Variants in PDE7B observed in about 807,000 individuals in gnomAD.
PDE7B encodes 3',5'-cyclic-AMP phosphodiesterase 7B.
Under a neutral mutation model 56.2 loss-of-function variants are expected in PDE7B, and 29 were observed. That is an observed-to-expected ratio of 0.52 (90% CI 0.38 to 0.70). The LOEUF (loss-of-function observed/expected upper bound fraction) is 0.70, where lower values mean the gene tolerates loss of function less well. Among genes scored for constraint, PDE7B ranks in the 30% least tolerant of loss-of-function variants. The pLI is 0.00. For synonymous variants in PDE7B, 197 were observed against 196.9 expected (o/e 1.00, Z 0.00); for missense variants, 490 against 565.0 (o/e 0.87, Z 1.35).
chr6:135,913,081 T>C (rs1191697710), intron 1 of PDE7B, among the ~76,000 whole-genome samples: 1 of 152,216 alleles, frequency 6.6e-6, no homozygotes, highest in Non-Finnish European at 1.5e-5. Flanking sequence ...CAAACATCTA[T>C]TGAATACTTT....
intron 3 of PDE7B, among the ~76,000 whole-genome samples, chr6:136,145,620 G>A (rs1445411579): frequency 6.6e-6 from 1 of 152,056 alleles, no homozygotes; most frequent in Non-Finnish European, 1.5e-5. Flanking sequence ...AGTCTTCATG[G>A]TACCTGACCC....
intron 1 of PDE7B, among the ~76,000 whole-genome samples, chr6:135,857,024 TCCTCCCTCCCTCCCTC>T (rs57985628): frequency 1.6e-5 from 2 of 127,500 alleles, no homozygotes; most frequent in Non-Finnish European, 3.1e-5. Context: ...TTACTCCTTT[TCCTCCCTCCCTCCCTC>T]CCTCCCTCCC....
intron 1 of PDE7B, among the ~76,000 whole-genome samples, chr6:135,937,145 T>C (rs1774434195): frequency 6.6e-6 from 1 of 152,246 alleles, no homozygotes. Flanking sequence ...CTAAGGGTCC[T>C]GTTCAGTGTG....
At chr6:135,966,575 T>A (rs1775000941) in intron 2 of PDE7B, among the ~76,000 whole-genome samples, 1 of 152,054 alleles carries the variant, frequency 6.6e-6, no homozygotes, top group South Asian at 2.1e-4. Context: ...TCCCTAGGGT[T>A]GCGATGTGGC....
intron 3 of PDE7B, among the ~76,000 whole-genome samples, chr6:136,121,792 T>C (rs1164576365): frequency 2.6e-5 from 4 of 152,054 alleles, no homozygotes; most frequent in Non-Finnish European, 4.4e-5. Flanking sequence ...TTAAAGTGCA[T>C]TCAAAAAAAG....
Position 135,948,158 on chromosome 6 carries a change from T to G in PDE7B, c.82+634T>G, listed in dbSNP as rs1216905953. 3.9e-5 allele frequency among the ~76,000 whole-genome samples: 6 copies of G among 152,100 alleles called. 1 individual carries two copies. In the East Asian group the frequency reaches 1.2e-3, roughly 29 times the overall value. ...ATTATAGAGAATATAAGTGATGCAC[T>G]TAACCTCAAAGTGAGAAATGGTCCA... On this transcript the variant is annotated intron_variant, in intron 2 of 12. Transcript: ENST00000308191.
intron 12 of PDE7B, among the ~76,000 whole-genome samples, chr6:136,191,389 G>A (rs973501159): frequency 3.3e-5 from 5 of 152,200 alleles, no homozygotes; most frequent in African/African-American, 1.2e-4. Flanking sequence ...AAGTAAGGCC[G>A]GGCACAGTGG....
intron 2 of PDE7B, among the ~76,000 whole-genome samples, chr6:135,956,560 C>T (rs181944972): frequency 5.9e-5 from 9 of 152,216 alleles, no homozygotes; most frequent in Admixed American, 3.3e-4. Flanking sequence ...AGGCAGATCA[C>T]TTGAGCCCAA....
chr6:135,936,082 G>A (rs554689085), intron 1 of PDE7B, among the ~76,000 whole-genome samples: 14 of 152,324 alleles, frequency 9.2e-5, no homozygotes, highest in African/African-American at 2.6e-4. Context: ...TTCTCTAGCA[G>A]TGAGGTTATT....
chr6:136,175,706 G>T (rs1428990625), intron 9 of PDE7B, among the ~76,000 whole-genome samples: 1 of 152,024 alleles, frequency 6.6e-6, no homozygotes, highest in Non-Finnish European at 1.5e-5. Context: ...TGGCATTATT[G>T]TATACCACTA....
rs114364805 is a variant in PDE7B at position 136,165,903 on chromosome 6, G to A, written c.712-7894G>A. Among the ~76,000 whole-genome samples, 818 of 152,248 alleles carry A rather than the reference G, an allele frequency of 5.4e-3. 8 individuals are homozygous for A. The highest frequency in any genetic ancestry group is 0.018 in the African/African-American group (761 of 41,550). On this transcript the variant is annotated intron_variant, in intron 8 of 12. Coordinates refer to ENST00000308191, the MANE Select transcript of PDE7B (RefSeq NM_018945.4). ...AAACTGAGGTTCTGTGAGTAAGGAA[G>A]AAAGGAAATCAGAAAAATGGGATGA...
chr6:135,989,412 G>A (rs932400140), intron 2 of PDE7B, among the ~76,000 whole-genome samples: 3 of 152,114 alleles, frequency 2.0e-5, no homozygotes, highest in East Asian at 1.9e-4. Flanking sequence ...TCGGTAGTTC[G>A]AGACCAGCCA....
At chr6:136,123,864 G>A (rs1352132151) in intron 3 of PDE7B, among the ~76,000 whole-genome samples, 1 of 152,146 alleles carries the variant, frequency 6.6e-6, no homozygotes, top group Non-Finnish European at 1.5e-5. Context: ...AAATAAATCA[G>A]TGGGTTTTTA....
intron 2 of PDE7B, among the ~76,000 whole-genome samples, chr6:136,005,537 G>A (rs1359554192): frequency 1.3e-5 from 2 of 152,218 alleles, no homozygotes; most frequent in African/African-American, 4.8e-5. Flanking sequence ...ATTGAAAAGT[G>A]GGTGAAGGAC....
intron 3 of PDE7B, among the ~76,000 whole-genome samples, chr6:136,114,119 G>A (rs1156377810): frequency 6.6e-6 from 1 of 152,120 alleles, no homozygotes; most frequent in African/African-American, 2.4e-5. Context: ...TGGCTATTTG[G>A]CTTTTCCTGA....
rs114161674 is a variant in PDE7B at position 135,951,360 on chromosome 6, G to A, written c.82+3836G>A. ...TCATGAACAGATACTAAAAGAAAGAGGAAGTGGAAGAGACATTATCTCTCA... is the reference window on the plus strand; with the variant it reads ...TCATGAACAGATACTAAAAGAAAGAAGAAGTGGAAGAGACATTATCTCTCA... On this transcript the variant is annotated intron_variant, in intron 2 of 12. Coordinates refer to ENST00000308191, the MANE Select transcript of PDE7B (RefSeq NM_018945.4). Among the ~76,000 whole-genome samples the A allele has an allele frequency of 1.4e-3, 210 of 152,210 alleles. 1 individual carries two copies. The highest frequency in any genetic ancestry group is 4.9e-3 in the African/African-American group (202 of 41,496).
intron 11 of PDE7B, among the ~76,000 whole-genome samples, chr6:136,183,072 C>CAAAAAAAA (rs869296450): frequency 2.0e-5 from 1 of 50,536 alleles, no homozygotes; most frequent in African/African-American, 7.1e-5. Context: ...ACTCCGTCTC[C>CAAAAAAAA]AAAAAAAAAA....
At chr6:135,963,081 G>C (rs1340648179) in intron 2 of PDE7B, among the ~76,000 whole-genome samples, 1 of 152,130 alleles carries the variant, frequency 6.6e-6, no homozygotes, top group Non-Finnish European at 1.5e-5. Context: ...AAAACACTGT[G>C]GAACTTTCTG....
chr6:135,959,848 G>C (rs1415203746), intron 2 of PDE7B, among the ~76,000 whole-genome samples: 2 of 152,018 alleles, frequency 1.3e-5, no homozygotes, highest in Non-Finnish European at 2.9e-5. Flanking sequence ...ATCAGAGCTC[G>C]CTGCCTCCTG....
Sources: gnomAD v4.1 joint callset for allele counts (sites outside exome capture counted in the v4.1 genomes callset) on GRCh38, gnomAD v4.1.1 for gene constraint, MANE v1.5 for transcripts, NCBI Gene and HGNC (gene_info 2026-07-23, HGNC 2026-07-21) for gene names.